KATNIP: variants seen among roughly 807,000 people sequenced by gnomAD.
KATNIP encodes katanin-interacting protein.
KATNIP carries 126 observed loss-of-function variants against 174.0 expected under a neutral mutation model. The observed-to-expected ratio is 0.72, with a 90% CI of 0.63 to 0.84. The LOEUF (loss-of-function observed/expected upper bound fraction) is 0.84. Ranked by LOEUF, KATNIP falls within the 40% of genes least tolerant of loss-of-function variation. KATNIP has a pLI of 0.00. For missense variants in KATNIP, 1,958 were observed against 2,109.7 expected (o/e 0.93, Z 1.41); for synonymous variants, 810 against 835.7 (o/e 0.97, Z 0.53).
At chr16:27,732,935 G>A (rs1285770063) in intron 14 of KATNIP, among the ~76,000 whole-genome samples, 2 of 152,220 alleles carry the variant, frequency 1.3e-5, no homozygotes, top group Non-Finnish European at 2.9e-5. Context: ...TGGGATGCCT[G>A]CAGTATGGGC....
intron 27 of KATNIP, 44 bp downstream of exon 27, chr16:27,778,013 C>G (rs771220366): frequency 3.8e-6 from 6 of 1,568,522 alleles, no homozygotes; most frequent in South Asian, 1.1e-5. Context: ...CTTGGGAGCT[C>G]GGTCTGAATA....
Position 27,749,823 on chromosome 16 carries a change from G to C in KATNIP, c.2863G>C (p.Gly955Arg), listed in dbSNP as rs963513319. Residue 955 changes from glycine to arginine, a missense_variant, in exon 16 of 28, where the codon GGC becomes CGC. By Grantham distance (125) the Gly-to-Arg change is moderately radical. Around this residue, in one of 3 missense-constraint regions of KATNIP, gnomAD observed 1,557 missense variants for 1,617.8 expected, o/e 0.96. Coordinates refer to ENST00000261588, the MANE Select transcript of KATNIP (RefSeq NM_015202.5). ...GCCAGGGCTGTCGAGAGGGCAGGAT[G>C]GCTACTCTGGAGAGACAGACGCTGG... ...EQPGLSRGQDGYSGETDAGGD... is the reference protein window; with the variant it reads ...EQPGLSRGQDRYSGETDAGGD... 9.3e-6 allele frequency: 15 copies of C among 1,613,628 alleles called. No individual in the cohort carries two copies. The highest frequency in any genetic ancestry group is 1.3e-5 in the African/African-American group (1 of 74,916).
intron 12 of KATNIP, among the ~76,000 whole-genome samples, chr16:27,705,200 C>T (rs2079254860): frequency 6.6e-6 from 1 of 152,118 alleles, no homozygotes; most frequent in South Asian, 2.1e-4. Context: ...CGTGAGCCAC[C>T]ACACCCAGCC....
intron 8 of KATNIP, among the ~76,000 whole-genome samples, chr16:27,692,173 C>G (rs1186740424): frequency 6.6e-6 from 1 of 152,202 alleles, no homozygotes; most frequent in Non-Finnish European, 1.5e-5. Flanking sequence ...AAGCCTTCTA[C>G]CAATGCTGGT....
intron 13 of KATNIP, among the ~76,000 whole-genome samples, chr16:27,717,741 C>A (rs1639613997): frequency 1.3e-5 from 2 of 152,194 alleles, no homozygotes; most frequent in South Asian, 2.1e-4. Context: ...ACTGAGATTT[C>A]TTTCCTGGAG....
At chr16:27,605,211 G>A (rs1016199461) in intron 2 of KATNIP, among the ~76,000 whole-genome samples, 1 of 152,180 alleles carries the variant, frequency 6.6e-6, no homozygotes, top group African/African-American at 2.4e-5. Context: ...GGGATTACAG[G>A]CGTGGGCCAC....
At chr16:27,715,528 C>T (rs1398896843) in intron 13 of KATNIP, among the ~76,000 whole-genome samples, 1 of 152,110 alleles carries the variant, frequency 6.6e-6, no homozygotes, top group Non-Finnish European at 1.5e-5. Context: ...GAGAAAATAT[C>T]TGCACATCAT....
At chr16:27,739,531 A>G (rs1259112813) in intron 14 of KATNIP, among the ~76,000 whole-genome samples, 1 of 152,194 alleles carries the variant, frequency 6.6e-6, no homozygotes, top group Non-Finnish European at 1.5e-5. Context: ...ACGGTCTCCC[A>G]ATTATGATGC....
At position 27,749,739 on chromosome 16, in the gene KATNIP, C is replaced by T; in HGVS notation, c.2779C>T (p.Leu927Phe). 1 of 1,612,782 alleles carries T rather than the reference C, an allele frequency of 6.2e-7. No homozygotes were observed. Among genetic ancestry groups the T allele is most frequent in the Non-Finnish European group, 8.5e-7 (1 of 1,179,358 alleles). The change falls in exon 16 of 28, where the codon CTC becomes TTC. Residue 927 changes from leucine (L) to phenylalanine (F), a missense_variant. Leu to Phe is a conservative substitution (Grantham distance 22). Coordinates refer to ENST00000261588, the MANE Select transcript of KATNIP (RefSeq NM_015202.5). ...GCTCCCGGGGGACATCCTGGATGAG[C>T]TCCTGCAGCAAAAGAGCAGCCGGCA... ...TELPGDILDE[L>F]LQQKSSRHSD...
chr16:27,612,921 G>A (rs890673255), intron 2 of KATNIP, among the ~76,000 whole-genome samples: 8 of 151,886 alleles, frequency 5.3e-5, no homozygotes, highest in Non-Finnish European at 1.2e-4. Flanking sequence ...ACCAACCTGG[G>A]CAACATAGTG....
Position 27,775,101 on chromosome 16 carries a change from G to C in KATNIP, c.4449+17G>C, listed in dbSNP as rs780800564. ...CCGGGCCTGGTGGGTTCCCGGCAGC[G>C]GCCACCGCAGCTCCTGGCCCTCAGG... On this transcript the variant is annotated intron_variant, in intron 24 of 27. Transcript: ENST00000261588. 6 of 1,607,914 alleles carry C rather than the reference G, an allele frequency of 3.7e-6. No homozygotes were observed. The highest frequency in any genetic ancestry group is 5.1e-6 in the Non-Finnish European group (6 of 1,178,446).
At chr16:27,618,539 C>A (rs368000379) in intron 3 of KATNIP, 38 bp downstream of exon 3, 2 of 1,436,354 alleles carry the variant, frequency 1.4e-6, no homozygotes, top group South Asian at 2.3e-5. Context: ...TTGATATTAG[C>A]GAAGTAAAAA....
intron 15 of KATNIP, among the ~76,000 whole-genome samples, chr16:27,748,730 G>A (rs1282978724): frequency 6.6e-6 from 1 of 151,986 alleles, no homozygotes; most frequent in Non-Finnish European, 1.5e-5. Flanking sequence ...GTTGCAGTGA[G>A]CTTTGATCAC....
At chr16:27,627,205 C>A (rs183045094) in intron 3 of KATNIP, among the ~76,000 whole-genome samples, 2 of 152,354 alleles carry the variant, frequency 1.3e-5, no homozygotes, top group African/African-American at 4.8e-5. Context: ...CAAGGCAATT[C>A]TCTGCCTCTC....
intron 1 of KATNIP, among the ~76,000 whole-genome samples, chr16:27,559,520 A>C (rs2089768367): frequency 6.6e-6 from 1 of 151,548 alleles, no homozygotes; most frequent in African/African-American, 2.4e-5. Flanking sequence ...CACCTCTACA[A>C]AAAATTGTTA....
chr16:27,770,475 T>A (rs1484157579), intron 21 of KATNIP, among the ~76,000 whole-genome samples: 1 of 152,258 alleles, frequency 6.6e-6, no homozygotes, highest in African/African-American at 2.4e-5. Flanking sequence ...AAATGCCACG[T>A]TAAGTTTACT....
chr16:27,583,391 C>T (rs1011988322), intron 2 of KATNIP, among the ~76,000 whole-genome samples: 1 of 152,164 alleles, frequency 6.6e-6, no homozygotes, highest in Non-Finnish European at 1.5e-5. Flanking sequence ...TTACCTCCTC[C>T]CTCCACCCCC....
intron 17 of KATNIP, among the ~76,000 whole-genome samples, chr16:27,753,866 A>G (rs2081611474): frequency 6.8e-6 from 1 of 147,466 alleles, no homozygotes; most frequent in Admixed American, 6.9e-5. Context: ...TTCTTCCTCT[A>G]GCTCACCACA....
chr16:27,677,802 A>T lies in KATNIP; in HGVS notation c.614A>T (p.Asp205Val), dbSNP rs950249253. ...KQKDCSSDEY[D>V]SIEEDILSEP... is the part of the protein sequence containing the mutation. ...AAGGATTGTTCCAGCGATGAGTATG[A>T]CTCTATTGAGGAAGACATACTCTCT... Residue 205 changes from aspartate to valine, a missense_variant, in exon 7 of 28, where the codon GAC (aspartate) becomes GTC (valine). Physicochemically the swap from Asp to Val is radical, Grantham distance 152. This residue lies in a region of KATNIP where 1,557 missense variants were observed against 1,617.8 expected (regional missense o/e 0.96). Coordinates refer to ENST00000261588, the MANE Select transcript of KATNIP (RefSeq NM_015202.5). 5.6e-6 allele frequency: 9 copies of T among 1,613,950 alleles called. No homozygotes were observed. Among genetic ancestry groups the T allele is most frequent in the Non-Finnish European group, 7.6e-6 (9 of 1,179,956 alleles).
Sources: allele counts gnomAD v4.1 joint callset (sites outside exome capture counted in the v4.1 genomes callset), GRCh38; gene constraint gnomAD v4.1.1; regional missense constraint gnomAD v4.1.1; transcripts MANE v1.5; gene names NCBI Gene and HGNC (gene_info 2026-07-23, HGNC 2026-07-21).